Variants in TESMIN observed in about 807,000 individuals in gnomAD.
The protein encoded by TESMIN is CXC domain containing 2.
A neutral mutation model predicts 47.4 loss-of-function variants in TESMIN; 34 were observed. The observed-to-expected ratio is 0.72, with a 90% CI of 0.55 to 0.96. TESMIN has a LOEUF of 0.96. TESMIN is among the 40% of genes least tolerant of loss of function. The pLI is 0.00. For missense variants in TESMIN, 610 were observed against 637.2 expected, an observed-to-expected ratio of 0.96 and a Z score of 0.46; for synonymous variants, 278 against 258.9, an observed-to-expected ratio of 1.07 and a Z score of -0.71.
At chr11:68,749,913 T>C (rs1946568083) in intron 2 of TESMIN, among the ~76,000 whole-genome samples, 1 of 152,186 alleles carries the variant, frequency 6.6e-6, no homozygotes, top group African/African-American at 2.4e-5. Flanking sequence ...CCCCCTTTTT[T>C]TGTTGTCCGC....
intron 5 of TESMIN, among the ~76,000 whole-genome samples, chr11:68,741,771 G>C (rs1403064840): frequency 6.6e-6 from 1 of 152,226 alleles, no homozygotes; most frequent in Non-Finnish European, 1.5e-5. Context: ...CAAAACGCAA[G>C]CCAGTGAGAG....
At chr11:68,745,487 G>A (rs1321769025) in intron 3 of TESMIN, among the ~76,000 whole-genome samples, 1 of 152,124 alleles carries the variant, frequency 6.6e-6, no homozygotes, top group South Asian at 2.1e-4. Flanking sequence ...GCAGAAGAGG[G>A]TGCTGCTCCG....
At position 68,742,480 on chromosome 11, in the gene TESMIN, T is replaced by C. The variant is rs189140505; in HGVS notation, c.752-86A>G. ...TGGATGAAAGTACAAAAGTCTGTTA[T>C]GGACATGTCCTGTGCAAAGTTATTT... On this transcript the variant is annotated intron_variant, in intron 4 of 9. Coordinates refer to ENST00000255087, the MANE Select transcript of TESMIN (RefSeq NM_004923.3). 3 of 808,946 alleles carry C rather than the reference T, an allele frequency of 3.7e-6. No individual in the cohort carries two copies. In the East Asian group the frequency reaches 8.0e-5, roughly 21 times the overall value. The allele number at this position is 808,946 out of a possible 1,614,324, so 50.1% of individuals were successfully genotyped here.
In TESMIN at chr11:68,727,273, C is replaced by T. The variant is rs1267894497; in HGVS notation, c.918-11334G>A. 2.6e-5 allele frequency among the ~76,000 whole-genome samples: 4 copies of T among 152,026 alleles called. No individual in the cohort carries two copies. In the East Asian group the frequency reaches 7.7e-4, roughly 29 times the overall value. ...CTTGCCAACATGGCGAAAACCCATC[C>T]TACTAAAAATACAAAAATTAGCTGG... On this transcript the variant is annotated intron_variant, in intron 6 of 9. Coordinates refer to ENST00000255087, the MANE Select transcript of TESMIN (RefSeq NM_004923.3).
chr11:68,750,640 C>CGGCAGAGGGCCCTCCTCCAT lies in TESMIN; in HGVS notation c.1_20dup (p.Gly8TrpfsTer18). ...CATCCTCGGGGCTGGGCAGCCCGCC[C>CGGCAGAGGGCCCTCCTCCAT]GGCAGAGGGCCCTCCTCCATGGCGC... On this transcript the variant is annotated frameshift_variant, in exon 2 of 10. Transcript: ENST00000255087. LOFTEE classifies it high-confidence loss of function. 1 of 1,562,696 alleles carries CGGCAGAGGGCCCTCCTCCAT rather than the reference C, an allele frequency of 6.4e-7. No homozygotes were observed. Among genetic ancestry groups the CGGCAGAGGGCCCTCCTCCAT allele is most frequent in the Non-Finnish European group, 8.7e-7 (1 of 1,152,628 alleles).
intron 7 of TESMIN, 120 bp from the exon 8 acceptor site, chr11:68,713,527 G>A: frequency 8.5e-7 from 1 of 1,173,392 alleles, no homozygotes; most frequent in South Asian, 1.5e-5. Context: ...AGAGTCTCTT[G>A]ACATGGTTCA....
chr11:68,750,284 G>C lies in TESMIN; in HGVS notation c.377C>G (p.Ser126Cys), dbSNP rs376497218. 88 of 1,552,268 alleles carry C rather than the reference G, an allele frequency of 5.7e-5. No homozygotes were observed. In the East Asian group the frequency reaches 8.1e-4, roughly 14 times the overall value. ...QPPACNVHFL[S>C]SLLPAHRSPA... ...GCTGCGGTGCGCGGGTAGCAGCGAGGACAGGAAGTGCACGTTGCAGGCGGG... is the reference window on the plus strand; with the variant it reads ...GCTGCGGTGCGCGGGTAGCAGCGAGCACAGGAAGTGCACGTTGCAGGCGGG... Residue 126 changes from serine to cysteine, a missense_variant, in exon 2 of 10, where the codon TCC becomes TGC. Coordinates refer to ENST00000255087, the MANE Select transcript of TESMIN (RefSeq NM_004923.3).
At chr11:68,734,190 TA>T (rs1263576702) in intron 6 of TESMIN, among the ~76,000 whole-genome samples, 1 of 152,248 alleles carries the variant, frequency 6.6e-6, no homozygotes, top group Non-Finnish European at 1.5e-5. Context: ...AGCATGTTAG[TA>T]ATCACTTAAG....
rs1346765868 is a variant in TESMIN, at chr11:68,715,790, A to C, written c.1020+47T>G. 6.7e-6 allele frequency: 9 copies of C among 1,334,882 alleles called. No individual in the cohort carries two copies. In the African/African-American group the frequency reaches 1.2e-4, roughly 17 times the overall value. 82.7% of individuals were successfully genotyped at this position (1,334,882 alleles called of 1,614,324 possible). A position where few individuals can be genotyped will look rare whatever the true frequency, so the allele number is the denominator to read the frequency against. On this transcript the variant is annotated intron_variant, in intron 7 of 9. Coordinates refer to ENST00000255087, the MANE Select transcript of TESMIN (RefSeq NM_004923.3). ...AGGTGATTTTATGAACATCTCAAAC[A>C]GTTTGAAATGCTTTTAAAATGCATA...
chr11:68,724,223 T>C (rs1946235086), intron 6 of TESMIN, among the ~76,000 whole-genome samples: 1 of 152,186 alleles, frequency 6.6e-6, no homozygotes, highest in South Asian at 2.1e-4. Context: ...CATTGGAAAG[T>C]TTGTTGTCAT....
At chr11:68,750,043 A>T in intron 2 of TESMIN, 147 bp downstream of exon 2, 1 of 627,590 alleles carries the variant, frequency 1.6e-6, no homozygotes, top group Non-Finnish European at 2.5e-6. Context: ...TATACGCTCT[A>T]CCGAGAATCA....
intron 6 of TESMIN, among the ~76,000 whole-genome samples, chr11:68,716,644 G>A (rs553460005): frequency 2.6e-5 from 4 of 152,330 alleles, no homozygotes; most frequent in East Asian, 3.9e-4. Context: ...TGGGAGAGCC[G>A]CCAGTGCTGG....
intron 5 of TESMIN, among the ~76,000 whole-genome samples, chr11:68,739,719 C>T (rs1039097528): frequency 6.6e-6 from 1 of 152,136 alleles, no homozygotes; most frequent in Non-Finnish European, 1.5e-5. Context: ...AGTCTTAAGT[C>T]CCCAGGCTTC....
chr11:68,709,334 G>T (rs546055159), intron 9 of TESMIN, among the ~76,000 whole-genome samples: 349 of 152,308 alleles, frequency 2.3e-3, no homozygotes, highest in African/African-American at 8.0e-3. Context: ...TCCTGTCCAC[G>T]CTGGGTGTCT....
chr11:68,737,286 T>C, intron 6 of TESMIN: 12 of 985,414 alleles, frequency 1.2e-5, no homozygotes, highest in Non-Finnish European at 1.3e-5. Context: ...TCTGTCCAAC[T>C]CAGCAAAAGT....
At chr11:68,719,457 G>A (rs1946179666) in intron 6 of TESMIN, among the ~76,000 whole-genome samples, 1 of 152,182 alleles carries the variant, frequency 6.6e-6, no homozygotes, top group African/African-American at 2.4e-5. Flanking sequence ...GGGTTGGTGT[G>A]TGAGTGGGAG....
intron 8 of TESMIN, among the ~76,000 whole-genome samples, chr11:68,711,588 G>C (rs376526333): frequency 6.6e-6 from 1 of 152,144 alleles, no homozygotes; most frequent in South Asian, 2.1e-4. Context: ...CTCTACCCGG[G>C]AGCCAGCAGG....
chr11:68,715,569 G>A (rs987615391), intron 7 of TESMIN, among the ~76,000 whole-genome samples: 8 of 152,182 alleles, frequency 5.3e-5, no homozygotes, highest in African/African-American at 9.7e-5. Flanking sequence ...ACATTCGCAT[G>A]TTCTTGAATC....
intron 6 of TESMIN, among the ~76,000 whole-genome samples, chr11:68,729,953 T>C (rs1946307917): frequency 6.6e-6 from 1 of 152,190 alleles, no homozygotes; most frequent in South Asian, 2.1e-4. Context: ...TGTGCCAAAC[T>C]GCATTGTTGT....
Sources: allele counts gnomAD v4.1 joint callset (sites outside exome capture counted in the v4.1 genomes callset), GRCh38; gene constraint gnomAD v4.1.1; transcripts MANE v1.5; gene names NCBI Gene and HGNC (gene_info 2026-07-23, HGNC 2026-07-21).